KAZN: variants seen among roughly 807,000 people sequenced by gnomAD.
The protein encoded by KAZN is kazrin, periplakin interacting protein, also known as kazrin.
A neutral mutation model predicts 87.4 loss-of-function variants in KAZN; 40 were observed. The observed-to-expected ratio is 0.46, with a 90% confidence interval of 0.36 to 0.60. The LOEUF (loss-of-function observed/expected upper bound fraction) is 0.60. Ranked by LOEUF, KAZN falls within the 20% of genes least tolerant of loss-of-function variation. The pLI is 0.00. For synonymous variants in KAZN, 466 were observed against 458.3 expected, an observed-to-expected ratio of 1.02 and a Z score of -0.22; for missense variants, 898 against 1,073.9, an observed-to-expected ratio of 0.84 and a Z score of 2.29.
intron 1 of KAZN, chr1:14,692,653 TG>T: frequency 6.6e-6 from 1 of 152,604 alleles, no homozygotes; most frequent in Non-Finnish European, 1.5e-5. Flanking sequence ...GAGCAGAGGC[TG>T]GGTGCAGTGC....
At chr1:14,953,431 A>C (rs1662733186) in intron 1 of KAZN, among the ~76,000 whole-genome samples, 1 of 152,228 alleles carries the variant, frequency 6.6e-6, no homozygotes, top group Admixed American at 6.5e-5. Flanking sequence ...ATCTGTGTCC[A>C]AACCCTGGCT....
chr1:14,184,416 G>A lies in KAZN; in HGVS notation c.249+3824G>A, dbSNP rs901387239. Among the ~76,000 whole-genome samples, 4 of 151,988 alleles carry A rather than the reference G, an allele frequency of 2.6e-5. No homozygotes were observed. Among genetic ancestry groups the A allele is most frequent in the African/African-American group, 4.8e-5 (2 of 41,444 alleles). On this transcript the variant is annotated intron_variant, in intron 2 of 16. Transcript: ENST00000636203. This position sits in a 1 kb window ranked among gnomAD's most constrained non-coding sequence, Gnocchi z 4.2. ...CTTCCTTCTCTTCCTTCCCTTTCCT[G>A]TTCTTTCCTTGTCTGTCTTTCTTTC...
At chr1:14,759,424 T>A (rs1644671666) in intron 1 of KAZN, among the ~76,000 whole-genome samples, 1 of 152,220 alleles carries the variant, frequency 6.6e-6, no homozygotes, top group South Asian at 2.1e-4. Context: ...TGTTTTACAG[T>A]CTGCTGTTAG....
intron 2 of KAZN, among the ~76,000 whole-genome samples, chr1:14,496,192 C>A (rs1164607972): frequency 1.3e-5 from 2 of 152,198 alleles, no homozygotes; most frequent in African/African-American, 4.8e-5. Flanking sequence ...TTCACACACA[C>A]AATCGAACTC....
At chr1:14,378,885 A>G (rs1372317807) in intron 2 of KAZN, among the ~76,000 whole-genome samples, 3 of 152,000 alleles carry the variant, frequency 2.0e-5, no homozygotes, top group African/African-American at 7.2e-5. Flanking sequence ...CTTGGGGAGC[A>G]TGTGACATAC....
At chr1:14,843,080 A>T (rs1648215401) in intron 1 of KAZN, among the ~76,000 whole-genome samples, 1 of 152,164 alleles carries the variant, frequency 6.6e-6, no homozygotes, top group African/African-American at 2.4e-5. Context: ...CAGTTGCATC[A>T]CATTTCCTAG....
chr1:14,381,003 C>T (rs1043453586), intron 2 of KAZN, among the ~76,000 whole-genome samples: 2 of 152,162 alleles, frequency 1.3e-5, no homozygotes, highest in African/African-American at 2.4e-5. Context: ...ATACATCTGG[C>T]AACATAGTCC....
At chr1:14,317,700 CTTT>C (rs1655754162) in intron 2 of KAZN, among the ~76,000 whole-genome samples, 1 of 151,492 alleles carries the variant, frequency 6.6e-6, no homozygotes, top group Non-Finnish European at 1.5e-5. Flanking sequence ...AGTGAGTCTT[CTTT>C]TAATGTCATC....
intron 1 of KAZN, chr1:14,924,523 C>T: frequency 9.9e-7 from 1 of 1,008,834 alleles, no homozygotes; most frequent in Middle Eastern, 4.9e-4. Context: ...GCGATCGGCC[C>T]CGCGCCGGGG....
intron 2 of KAZN, among the ~76,000 whole-genome samples, chr1:14,552,594 G>A (rs767396139): frequency 3.9e-5 from 6 of 152,166 alleles, no homozygotes; most frequent in African/African-American, 1.4e-4. Flanking sequence ...AAGGAGAAGG[G>A]GTTCTCTCCT....
At chr1:15,018,877 A>C (rs1481063071) in intron 2 of KAZN, among the ~76,000 whole-genome samples, 1 of 152,068 alleles carries the variant, frequency 6.6e-6, no homozygotes, top group African/African-American at 2.4e-5. Flanking sequence ...ATCTCTGTGG[A>C]TTCTAAAGCT....
At chr1:14,263,613 T>G (rs1421553190) in intron 2 of KAZN, among the ~76,000 whole-genome samples, 1 of 152,054 alleles carries the variant, frequency 6.6e-6, no homozygotes, top group East Asian at 1.9e-4. Context: ...TAGAGATTGC[T>G]GCTAAAGGGA....
intron 2 of KAZN, among the ~76,000 whole-genome samples, chr1:14,197,728 T>C (rs997021887): frequency 2.6e-5 from 4 of 152,082 alleles, no homozygotes; most frequent in African/African-American, 9.7e-5. Context: ...AAACCACCAC[T>C]ACCAGAACCT....
chr1:14,339,886 T>C (rs1457555652), intron 2 of KAZN, among the ~76,000 whole-genome samples: 1 of 152,164 alleles, frequency 6.6e-6, no homozygotes, highest in Non-Finnish European at 1.5e-5. Flanking sequence ...CCCCTTCCCA[T>C]GAGTTATCCT....
chr1:14,532,916 T>C (rs923936025), intron 2 of KAZN, among the ~76,000 whole-genome samples: 2 of 152,102 alleles, frequency 1.3e-5, no homozygotes, highest in Non-Finnish European at 2.9e-5. Flanking sequence ...TTGTGAATAG[T>C]GCTGCAATAA....
At chr1:14,648,497 T>C (rs1680978862) in intron 1 of KAZN, among the ~76,000 whole-genome samples, 1 of 152,166 alleles carries the variant, frequency 6.6e-6, no homozygotes, top group Non-Finnish European at 1.5e-5. Flanking sequence ...TTTTAGCTGA[T>C]CTAAAGGAAA....
chr1:14,553,526 G>T (rs1249737120), intron 2 of KAZN, among the ~76,000 whole-genome samples: 1 of 152,220 alleles, frequency 6.6e-6, no homozygotes, highest in African/African-American at 2.4e-5. Flanking sequence ...CTCTGAAGGA[G>T]AGGGCGCAAA....
intron 2 of KAZN, among the ~76,000 whole-genome samples, chr1:14,194,272 G>GCTTACCAGC (rs1646481610): frequency 1.3e-5 from 2 of 152,150 alleles, no homozygotes; most frequent in Admixed American, 6.6e-5. Context: ...CTTGTGGACA[G>GCTTACCAGC]AGTCATGCTG....
rs1456964595 is a variant in KAZN, at chr1:14,762,399, G to A, written c.226+163176G>A. On this transcript the variant is annotated intron_variant, in intron 1 of 14. Coordinates refer to ENST00000376030, the MANE Select transcript of KAZN (RefSeq NM_201628.3). ...GCTTGTTCTAGGGCTTCAGGTAGCA[G>A]GTGGTGGGACCTTCCTGGCATGGTG... Among the ~76,000 whole-genome samples, 14 of 152,284 alleles carry A rather than the reference G, an allele frequency of 9.2e-5. 1 individual carries two copies. The highest frequency in any genetic ancestry group is 3.1e-4 in the African/African-American group (13 of 41,564).
Sources: allele counts gnomAD v4.1 joint callset (sites outside exome capture counted in the v4.1 genomes callset), GRCh38; gene constraint gnomAD v4.1.1; non-coding constraint Gnocchi (gnomAD v3.1); transcripts MANE v1.5; gene names NCBI Gene and HGNC (gene_info 2026-07-23, HGNC 2026-07-21).